The following JAZF1 variants were observed in gnomAD, a reference collection of about 807,000 sequenced individuals.
JAZF1 encodes juxtaposed with another zinc finger protein 1.
A neutral mutation model predicts 26.4 loss-of-function variants in JAZF1; 8 were observed. The ratio of observed to expected loss-of-function variants is 0.30; its 90% CI spans 0.18 to 0.55. The LOEUF is 0.55. JAZF1 is among the 20% of genes least tolerant of loss of function. The pLI, the probability that JAZF1 is intolerant of heterozygous loss-of-function variation, is 0.94. For synonymous variants in JAZF1, 126 were observed against 122.3 expected (o/e 1.03, Z -0.20); for missense variants, 199 against 322.0 (o/e 0.62, Z 2.92).
chr7:27,870,361 A>G (rs1783559112), intron 3 of JAZF1, among the ~76,000 whole-genome samples: 1 of 152,056 alleles, frequency 6.6e-6, no homozygotes, highest in Admixed American at 6.6e-5. Flanking sequence ...TGTTCTGGCC[A>G]TGTCCCATCC....
intron 3 of JAZF1, among the ~76,000 whole-genome samples, chr7:27,885,633 T>C (rs770551567): frequency 3.3e-5 from 5 of 152,244 alleles, no homozygotes; most frequent in African/African-American, 4.8e-5. Context: ...GATAGTGTCC[T>C]TTAAAGCACA....
chr7:27,837,077 G>A (rs772201815), intron 4 of JAZF1, among the ~76,000 whole-genome samples: 22 of 152,096 alleles, frequency 1.4e-4, no homozygotes, highest in Non-Finnish European at 2.4e-4. Context: ...TGTCTCTGTT[G>A]CTGAAACAAT....
intron 1 of JAZF1, among the ~76,000 whole-genome samples, chr7:28,114,835 C>A (rs7790202): frequency 0.13 from 19,434 of 151,276 alleles, 2,935 homozygotes; most frequent in African/African-American, 0.36. Context: ...AAAGGTGCCA[C>A]GTGAACGGGG....
chr7:28,018,264 G>A (rs1028173440), intron 1 of JAZF1, among the ~76,000 whole-genome samples: 4 of 152,314 alleles, frequency 2.6e-5, no homozygotes, highest in South Asian at 2.1e-4. Context: ...GAAATGTGCT[G>A]GGTGCATGGT....
intron 3 of JAZF1, among the ~76,000 whole-genome samples, chr7:27,848,415 A>G (rs1783072670): frequency 6.6e-6 from 1 of 152,178 alleles, no homozygotes; most frequent in Non-Finnish European, 1.5e-5. Flanking sequence ...AACCTTACTG[A>G]ATTCATCTTC....
rs576208838 is a variant in JAZF1, at chr7:28,151,716, G to A, written c.115+28747C>T. 1.3e-4 allele frequency among the ~76,000 whole-genome samples: 19 copies of A among 151,902 alleles called. No homozygotes were observed. In the South Asian group the frequency reaches 3.3e-3, roughly 27 times the overall value. The stretch of plus-strand genomic sequence containing the variant: ...ACTTGGGAGGCTGAGGCTTGAACCC[G>A]GGAGGCGGAGGTTGCAGTGAGCCGA... On this transcript the variant is annotated intron_variant, in intron 1 of 4. Transcript: ENST00000283928.
intron 1 of JAZF1, among the ~76,000 whole-genome samples, chr7:28,007,032 C>T (rs543264989): frequency 6.6e-6 from 1 of 152,298 alleles, no homozygotes; most frequent in African/African-American, 2.4e-5. Context: ...CCAGGCACCC[C>T]ACCTTGCCTA....
At chr7:27,860,173 A>G (rs1343070105) in intron 3 of JAZF1, among the ~76,000 whole-genome samples, 3 of 152,234 alleles carry the variant, frequency 2.0e-5, no homozygotes, top group Admixed American at 1.3e-4. Flanking sequence ...TTTAATGTTT[A>G]ATACTAGAAG....
intron 1 of JAZF1, among the ~76,000 whole-genome samples, chr7:28,116,951 G>A (rs1185451896): frequency 6.6e-6 from 1 of 152,092 alleles, no homozygotes; most frequent in Non-Finnish European, 1.5e-5. Flanking sequence ...AGCCTCCCAA[G>A]TAGCTGGGAT....
At chr7:28,073,087 C>A (rs1299097607) in intron 1 of JAZF1, among the ~76,000 whole-genome samples, 1 of 152,170 alleles carries the variant, frequency 6.6e-6, no homozygotes, top group Non-Finnish European at 1.5e-5. Flanking sequence ...CAATGTGTGA[C>A]CCACAATCTT....
At chr7:27,837,447 C>A (rs1193294691) in intron 4 of JAZF1, among the ~76,000 whole-genome samples, 1 of 152,252 alleles carries the variant, frequency 6.6e-6, no homozygotes, top group Admixed American at 6.5e-5. Flanking sequence ...CCATGGGCTA[C>A]ACCTTGATTC....
chr7:27,962,145 A>G (rs1384724715), intron 2 of JAZF1, among the ~76,000 whole-genome samples: 5 of 152,224 alleles, frequency 3.3e-5, no homozygotes, highest in African/African-American at 1.2e-4. Flanking sequence ...AACACGATTC[A>G]CTGCAGTATG....
intron 1 of JAZF1, among the ~76,000 whole-genome samples, chr7:28,124,486 C>T (rs982776438): frequency 1.2e-4 from 18 of 152,176 alleles, no homozygotes; most frequent in African/African-American, 3.1e-4. Flanking sequence ...TGGGTGTCAT[C>T]TTCTCCCCAG....
At chr7:27,835,233 C>T (rs1782783281) in intron 4 of JAZF1, among the ~76,000 whole-genome samples, 1 of 152,176 alleles carries the variant, frequency 6.6e-6, no homozygotes. Flanking sequence ...GGCACAGCAA[C>T]TCTTAACAGT....
intron 3 of JAZF1, chr7:27,843,101 C>T (rs1400376536): frequency 6.6e-6 from 1 of 152,256 alleles, no homozygotes; most frequent in East Asian, 1.9e-4. Flanking sequence ...TGGAACACTT[C>T]TGAGAGGGAA....
intron 2 of JAZF1, among the ~76,000 whole-genome samples, chr7:27,969,889 C>G (rs10237946): frequency 0.072 from 11,029 of 152,194 alleles, 513 homozygotes; most frequent in Non-Finnish European, 0.11. Context: ...ATCTTTTTAC[C>G]TTTGTATCTG....
intron 1 of JAZF1, among the ~76,000 whole-genome samples, chr7:28,039,252 C>T (rs753394715): frequency 7.9e-5 from 12 of 152,128 alleles, no homozygotes; most frequent in Non-Finnish European, 1.6e-4. Context: ...TGGGAACACA[C>T]GCACATGCGC....
At position 27,931,771 on chromosome 7, in the gene JAZF1, G is replaced by C. The variant is rs1784692045; in HGVS notation, c.189-36355C>G. Among the ~76,000 whole-genome samples, 3 of 152,190 alleles carry C rather than the reference G, an allele frequency of 2.0e-5. No homozygotes were observed. In the South Asian group the frequency reaches 6.2e-4, roughly 32 times the overall value. ...AGAACTGCTTGAACCGGGGAGAATT[G>C]CTTGAACCTGGGAGACGTGCTGGAA... On this transcript the variant is annotated intron_variant, in intron 2 of 4. Coordinates refer to ENST00000283928, the MANE Select transcript of JAZF1 (RefSeq NM_175061.4).
chr7:28,021,608 G>C (rs1392773573), intron 1 of JAZF1, among the ~76,000 whole-genome samples: 2 of 152,180 alleles, frequency 1.3e-5, no homozygotes, highest in African/African-American at 2.4e-5. Flanking sequence ...TGTGGACGTA[G>C]GACAAACAAA....
Sources: allele counts gnomAD v4.1 joint callset (sites outside exome capture counted in the v4.1 genomes callset), GRCh38; gene constraint gnomAD v4.1.1; transcripts MANE v1.5; gene names NCBI Gene and HGNC (gene_info 2026-07-23, HGNC 2026-07-21).